The following GRM7 variants were observed in gnomAD, a reference collection of about 807,000 sequenced individuals.
GRM7 encodes the protein glutamate metabotropic receptor 7.
A neutral mutation model predicts 84.5 loss-of-function variants in GRM7; 35 were observed. That is an observed-to-expected ratio of 0.41 (90% CI 0.32 to 0.55). The LOEUF is 0.55. Ranked by LOEUF, GRM7 falls within the 20% of genes least tolerant of loss-of-function variation. The probability of loss-of-function intolerance (pLI) is 0.19; values close to 1 mark genes in which losing one functional copy is unlikely to be tolerated. For missense variants in GRM7, 1,003 were observed against 1,194.6 expected (o/e 0.84, Z 2.36); for synonymous variants, 487 against 455.1 (o/e 1.07, Z -0.89).
At chr3:7,682,209 C>T (rs140995942) in intron 9 of GRM7, 1,847 of 152,086 alleles carry the variant, frequency 0.012, 20 homozygotes, top group Middle Eastern at 0.05. Flanking sequence ...GTTGCGCGTG[C>T]CTGTAATCCC....
At chr3:7,126,197 T>C (rs1405994785) in intron 1 of GRM7, among the ~76,000 whole-genome samples, 2 of 152,124 alleles carry the variant, frequency 1.3e-5, no homozygotes, top group Non-Finnish European at 2.9e-5. Flanking sequence ...GGGCCTTAAG[T>C]GAACTTGAAT....
At chr3:7,546,798 C>G (rs1272839317) in intron 7 of GRM7, among the ~76,000 whole-genome samples, 2 of 151,946 alleles carry the variant, frequency 1.3e-5, no homozygotes, top group African/African-American at 2.4e-5. Context: ...TTGGTTCCTG[C>G]TTTAATAAAT....
intron 2 of GRM7, among the ~76,000 whole-genome samples, chr3:7,275,551 A>C (rs1206954067): frequency 6.6e-6 from 1 of 152,112 alleles, no homozygotes; most frequent in African/African-American, 2.4e-5. Context: ...ATTAAGTAGA[A>C]GATGACTAGC....
At chr3:7,659,170 A>C (rs972773578) in intron 8 of GRM7, among the ~76,000 whole-genome samples, 1 of 152,242 alleles carries the variant, frequency 6.6e-6, no homozygotes, top group Non-Finnish European at 1.5e-5. Flanking sequence ...TGAATCTTGA[A>C]AATGTTCCCC....
intron 5 of GRM7, chr3:7,451,937 A>T (rs1335611943): frequency 6.6e-6 from 1 of 152,454 alleles, no homozygotes; most frequent in Non-Finnish European, 1.5e-5. Context: ...TGCAAAGGTG[A>T]ACGTGGAGGA....
Position 7,268,902 on chromosome 3 carries a change from C to T in GRM7, c.737-29782C>T, listed in dbSNP as rs368038143. ...GTGGACCGAGTCCAGGAGCTCAGTC[C>T]AAACCAATGGCCTCCTATAAGTTTC... On this transcript the variant is annotated intron_variant, in intron 2 of 9. Coordinates refer to ENST00000357716, the MANE Select transcript of GRM7 (RefSeq NM_000844.4). 5.9e-5 allele frequency among the ~76,000 whole-genome samples: 9 copies of T among 152,250 alleles called. No homozygotes were observed. The East Asian group carries it at 1.7e-3, about 29-fold the overall frequency.
At chr3:7,527,731 C>T (rs1293785884) in intron 7 of GRM7, among the ~76,000 whole-genome samples, 1 of 151,940 alleles carries the variant, frequency 6.6e-6, no homozygotes, top group Non-Finnish European at 1.5e-5. Flanking sequence ...GAGCTTTTAT[C>T]ATGAAAAGAT....
intron 9 of GRM7, among the ~76,000 whole-genome samples, chr3:7,713,023 C>A (rs986619983): frequency 6.6e-6 from 1 of 151,986 alleles, no homozygotes; most frequent in Admixed American, 6.6e-5. Context: ...TAGGGCCCAC[C>A]CTCATCCAGT....
chr3:7,669,307 C>G (rs1449070432), intron 8 of GRM7, among the ~76,000 whole-genome samples: 5 of 152,110 alleles, frequency 3.3e-5, no homozygotes, highest in Admixed American at 6.5e-5. Context: ...AAGGCAGAGT[C>G]CTGAAAGACA....
chr3:7,035,730 C>G (rs1221145959), intron 1 of GRM7, among the ~76,000 whole-genome samples: 2 of 152,036 alleles, frequency 1.3e-5, no homozygotes, highest in African/African-American at 2.4e-5. Flanking sequence ...TTTAGCCCAG[C>G]TAAGACACAA....
rs190865356 is a variant in GRM7, at chr3:7,450,088, A to T, written c.1175-2519A>T. On this transcript the variant is annotated intron_variant, in intron 5 of 9. Coordinates refer to ENST00000357716, the MANE Select transcript of GRM7 (RefSeq NM_000844.4). ...GTTAATATATCTAATTAAATTTAAA[A>T]AGAGAAGAGAATGGCCAATAACTTT... 1.6e-3 allele frequency among the ~76,000 whole-genome samples: 238 copies of T among 147,974 alleles called. 2 individuals carry two copies. The highest frequency in any genetic ancestry group is 5.8e-3 in the African/African-American group (231 of 39,986).
At chr3:7,568,630 C>T (rs532581876) in intron 7 of GRM7, among the ~76,000 whole-genome samples, 4 of 152,326 alleles carry the variant, frequency 2.6e-5, no homozygotes, top group South Asian at 2.1e-4. Context: ...GGGCTGCCCC[C>T]GGCGCTTGCG....
At chr3:7,348,399 G>C (rs917241935) in intron 4 of GRM7, among the ~76,000 whole-genome samples, 1 of 151,950 alleles carries the variant, frequency 6.6e-6, no homozygotes, top group Non-Finnish European at 1.5e-5. Context: ...TATATTTGTT[G>C]CTCCATATCA....
intron 1 of GRM7, among the ~76,000 whole-genome samples, chr3:6,975,216 T>C (rs1559362395): frequency 1.3e-5 from 2 of 152,074 alleles, no homozygotes; most frequent in East Asian, 3.8e-4. Flanking sequence ...AATCGGATAA[T>C]GAGGTCTTAG....
At chr3:6,909,587 G>C (rs1019917849) in intron 1 of GRM7, among the ~76,000 whole-genome samples, 19 of 152,074 alleles carry the variant, frequency 1.2e-4, no homozygotes, top group African/African-American at 4.6e-4. Context: ...TTGCAGGACA[G>C]AAATTAACTA....
At chr3:7,498,146 T>C (rs938381270) in intron 7 of GRM7, among the ~76,000 whole-genome samples, 7 of 152,212 alleles carry the variant, frequency 4.6e-5, no homozygotes, top group African/African-American at 1.7e-4. Context: ...AGAGAAAATA[T>C]TTCCCTAGCA....
chr3:7,114,176 G>A (rs1392947480), intron 1 of GRM7, among the ~76,000 whole-genome samples: 1 of 152,042 alleles, frequency 6.6e-6, no homozygotes, highest in Non-Finnish European at 1.5e-5. Context: ...ATAATCCTTG[G>A]TTTACTCTAG....
chr3:7,719,403 GCTC>G (rs1197686981), intron 9 of GRM7, among the ~76,000 whole-genome samples: 1 of 152,108 alleles, frequency 6.6e-6, no homozygotes, highest in Non-Finnish European at 1.5e-5. Context: ...GTTTTGGAAA[GCTC>G]CTCACTAAAG....
chr3:7,501,631 A>T (rs1455191115), intron 7 of GRM7, among the ~76,000 whole-genome samples: 1 of 152,164 alleles, frequency 6.6e-6, no homozygotes, highest in Non-Finnish European at 1.5e-5. Context: ...CTTCTTATCG[A>T]CTACACTAAG....
Sources: gnomAD v4.1 joint callset for allele counts (sites outside exome capture counted in the v4.1 genomes callset) on GRCh38, gnomAD v4.1.1 for gene constraint, MANE v1.5 for transcripts, NCBI Gene and HGNC (gene_info 2026-07-23, HGNC 2026-07-21) for gene names.